Variants in PRKAR1A observed in about 807,000 individuals in gnomAD.
PRKAR1A encodes the protein cAMP-dependent protein kinase type I-alpha regulatory subunit.
PRKAR1A carries 3 observed loss-of-function variants against 52.0 expected under a neutral mutation model. The ratio of observed to expected loss-of-function variants is 0.06; its 90% CI spans 0.03 to 0.15. The LOEUF is 0.15. PRKAR1A is among the 10% of genes least tolerant of loss of function. The probability of loss-of-function intolerance (pLI) is 1.00; values close to 1 mark genes in which losing one functional copy is unlikely to be tolerated. For missense variants in PRKAR1A, 240 were observed against 477.4 expected, an observed-to-expected ratio of 0.50 and a Z score of 4.63; for synonymous variants, 188 against 168.4, an observed-to-expected ratio of 1.12 and a Z score of -0.90.
chr17:68,471,251 T>C, the PRKAR1A span, among the ~76,000 whole-genome samples: 1 of 152,180 alleles, frequency 6.6e-6, no homozygotes, highest in African/African-American at 2.4e-5. Context: ...GCAGCTCTAT[T>C]GGTACTGAAA....
At chr17:68,540,073 G>T (rs555357582) in intron 11 of PRKAR1A, 7 of 567,740 alleles carry the variant, frequency 1.2e-5, no homozygotes, top group East Asian at 8.2e-5. Context: ...TTGAGAGACA[G>T]GGGTGTGAAC....
At position 68,533,150 on chromosome 17, in the gene PRKAR1A, C is replaced by T; in HGVS notation, c.*2701C>T. 2.8e-6 allele frequency: 3 copies of T among 1,059,040 alleles called. No homozygotes were observed. The highest frequency in any genetic ancestry group is 3.4e-6 in the Non-Finnish European group (3 of 873,980). The allele number at this position is 1,059,040 out of a possible 1,614,324, so 65.6% of individuals were successfully genotyped here. A position where few individuals can be genotyped will look rare whatever the true frequency, so the allele number is the denominator to read the frequency against. On this transcript the variant is annotated 3_prime_UTR_variant, in exon 11 of 11. Transcript: ENST00000589228. ...AATTTAATATATACATTTAATGTTA[C>T]TTAGGGATACTTTTATATTTTGCAT...
the PRKAR1A span, chr17:68,451,011 G>T: frequency 7.2e-7 from 1 of 1,384,404 alleles, no homozygotes. Flanking sequence ...TCCGGGTCTT[G>T]CCGGCCAGGC....
At chr17:68,421,488 A>C in the PRKAR1A span, 1 of 415,574 alleles carries the variant, frequency 2.4e-6, no homozygotes, top group Non-Finnish European at 4.4e-6. Flanking sequence ...CTTTTAATAT[A>C]AAATTCCGGT....
rs2143413578 is a variant in PRKAR1A, at chr17:68,533,213, T to G, written c.*2764T>G. 9.5e-7 allele frequency: 1 copy of G among 1,057,932 alleles called. No individual in the cohort carries two copies. The highest frequency in any genetic ancestry group is 4.6e-5 in the South Asian group (1 of 21,830). The allele number at this position is 1,057,932 out of a possible 1,614,324, so 65.5% of individuals were successfully genotyped here. The stretch of plus-strand genomic sequence containing the variant: ...ATATATAAAGCCTTATTTCTGATGC[T>G]CTTAGATTTCTGAGGAGTGAGATGA... On this transcript the variant is annotated 3_prime_UTR_variant, in exon 11 of 11. Coordinates refer to ENST00000589228, the MANE Select transcript of PRKAR1A (RefSeq NM_002734.5).
chr17:68,474,789 T>C, the PRKAR1A span, among the ~76,000 whole-genome samples: 1 of 151,762 alleles, frequency 6.6e-6, no homozygotes, highest in Non-Finnish European at 1.5e-5. Flanking sequence ...CAGCTACTCA[T>C]GAAAATCGCT....
upstream of PRKAR1A, among the ~76,000 whole-genome samples, chr17:68,510,159 C>CAGACAGAGAGAGAGAGAGAGAG (rs2085243653): frequency 1.6e-5 from 2 of 127,520 alleles, no homozygotes; most frequent in Non-Finnish European, 3.3e-5. Flanking sequence ...TATATGTAGA[C>CAGACAGAGAGAGAGAGAGAGAG]AGAGAGAGAG....
the PRKAR1A span, among the ~76,000 whole-genome samples, chr17:68,446,523 T>G: frequency 6.6e-6 from 1 of 152,170 alleles, no homozygotes; most frequent in Non-Finnish European, 1.5e-5. Flanking sequence ...GGTCTGAGAC[T>G]GGGGACTGAG....
the PRKAR1A span, among the ~76,000 whole-genome samples, chr17:68,496,187 G>A: frequency 1.0e-3 from 147 of 146,692 alleles, no homozygotes; most frequent in Middle Eastern, 3.4e-3. Flanking sequence ...AATTACAGGC[G>A]TGTACCACCA....
chr17:68,485,406 A>G, the PRKAR1A span, among the ~76,000 whole-genome samples: 1 of 152,210 alleles, frequency 6.6e-6, no homozygotes, highest in African/African-American at 2.4e-5. Flanking sequence ...AGAGCAAAGT[A>G]AAAAAGGGGA....
chr17:68,509,553 C>G (rs912117965), upstream of PRKAR1A, among the ~76,000 whole-genome samples: 2 of 152,156 alleles, frequency 1.3e-5, no homozygotes, highest in Non-Finnish European at 2.9e-5. Flanking sequence ...GGCTAACAGA[C>G]CTTTGAATCA....
the PRKAR1A span, among the ~76,000 whole-genome samples, chr17:68,469,915 G>A: frequency 1.3e-5 from 2 of 151,962 alleles, no homozygotes; most frequent in African/African-American, 2.4e-5. Flanking sequence ...CAGAGGCATC[G>A]TTTTTTGTTT....
chr17:68,435,100 G>A, the PRKAR1A span, among the ~76,000 whole-genome samples: 4 of 152,006 alleles, frequency 2.6e-5, no homozygotes, highest in South Asian at 2.1e-4. Flanking sequence ...TCAGCTACTC[G>A]GGAGGCTGAG....
In PRKAR1A at chr17:68,524,092, A is replaced by C; in HGVS notation, c.502+15A>C. 2 of 1,613,104 alleles carry C rather than the reference A, an allele frequency of 1.2e-6. No individual in the cohort carries two copies. Among genetic ancestry groups the C allele is most frequent in the Non-Finnish European group, 1.7e-6 (2 of 1,179,264 alleles). On this transcript the variant is annotated intron_variant, in intron 5 of 10. Coordinates refer to ENST00000589228, the MANE Select transcript of PRKAR1A (RefSeq NM_002734.5). ...GATTCAGCAAGGTAAGGGCCTCTGG[A>C]GCATGCAATATTGTTACGGGAGAGG...
At chr17:68,501,379 T>A in the PRKAR1A span, among the ~76,000 whole-genome samples, 1 of 152,200 alleles carries the variant, frequency 6.6e-6, no homozygotes, top group Non-Finnish European at 1.5e-5. Context: ...TCTCTCTCAA[T>A]AGCCTGTCCC....
At chr17:68,495,691 T>A in the PRKAR1A span, among the ~76,000 whole-genome samples, 1 of 152,154 alleles carries the variant, frequency 6.6e-6, no homozygotes, top group African/African-American at 2.4e-5. Flanking sequence ...TCTACTTATC[T>A]GTGTATTAGT....
the PRKAR1A span, chr17:68,435,772 C>T: frequency 6.9e-7 from 1 of 1,458,804 alleles, no homozygotes; most frequent in Non-Finnish European, 9.6e-7. Context: ...TGGATTTCAC[C>T]TCCCTCCCCT....
intron 1 of PRKAR1A, chr17:68,512,869 GCGC>G (rs968373442): frequency 3.3e-5 from 5 of 151,976 alleles, no homozygotes; most frequent in African/African-American, 9.7e-5. Flanking sequence ...TCGCCCCCGC[GCGC>G]CGCGGCCTCT....
downstream of PRKAR1A, chr17:68,537,653 C>G (rs2086132711): frequency 6.2e-7 from 1 of 1,613,798 alleles, no homozygotes. This position sits in a 1 kb window ranked among gnomAD's most constrained non-coding sequence, Gnocchi z 4.2. Flanking sequence ...CTGAGCTGGT[C>G]TTCCAGCAGT....
Sources: gnomAD v4.1 joint callset for allele counts (sites outside exome capture counted in the v4.1 genomes callset) on GRCh38, gnomAD v4.1.1 for gene constraint, Gnocchi (gnomAD v3.1) non-coding constraint, MANE v1.5 for transcripts, NCBI Gene and HGNC (gene_info 2026-07-23, HGNC 2026-07-21) for gene names.